The following SNW1 variants were observed in gnomAD, a reference collection of about 807,000 sequenced individuals.
The protein encoded by SNW1 is SNW domain containing 1.
A neutral mutation model predicts 75.6 loss-of-function variants in SNW1; 9 were observed. The observed-to-expected ratio is 0.12, with a 90% confidence interval of 0.07 to 0.21. The LOEUF is 0.21. Ranked by LOEUF, SNW1 falls within the 10% of genes least tolerant of loss-of-function variation. The pLI is 1.00. For missense variants in SNW1, 409 were observed against 670.9 expected, an observed-to-expected ratio of 0.61 and a Z score of 4.31; for synonymous variants, 200 against 219.1, an observed-to-expected ratio of 0.91 and a Z score of 0.77.
chr14:77,732,545 T>C lies in SNW1; in HGVS notation c.831A>G (p.Thr277=), dbSNP rs754772047. The C allele has an allele frequency of 4.3e-6, 7 of 1,613,406 alleles. No individual in the cohort carries two copies. The African/African-American group carries it at 6.7e-5, about 15-fold the overall frequency. Reference sequence around the variant, plus strand: ...TGGCGAAATTTTCATTTATGTGTACTGTCTGTAGTCCTCTTCCATCAGCAG... The same window carrying C: ...TGGCGAAATTTTCATTTATGTGTACCGTCTGTAGTCCTCTTCCATCAGCAG... ...RLAADGRGLQ[T]VHINENFAKL... is the part of the protein sequence containing the mutation. The change falls in exon 9 of 14, where the codon ACA becomes ACG. Residue 277 remains threonine, a synonymous_variant. Transcript: ENST00000261531.
chr14:77,736,145 A>C, intron 6 of SNW1, 139 bp from the exon 7 acceptor site: 2 of 566,290 alleles, frequency 3.5e-6, no homozygotes, highest in East Asian at 3.0e-5. Context: ...TACATTTACC[A>C]CTCCACTTTG....
intron 8 of SNW1, 74 bp downstream of exon 8, chr14:77,734,873 T>C (rs1595080992): frequency 1.0e-6 from 1 of 966,066 alleles, no homozygotes; most frequent in Non-Finnish European, 1.6e-6. Flanking sequence ...ACTACAGTTA[T>C]GCAGGCTGTA....
rs1269236784 is a variant in SNW1, at chr14:77,720,823, T to G, written c.1136A>C (p.Lys379Thr). The change falls in exon 12 of 14, where the codon AAA becomes ACA. Residue 379 changes from lysine (K) to threonine (T), a missense_variant. Physicochemically the swap from Lys to Thr is moderately conservative, Grantham distance 78. Transcript: ENST00000261531. ...LSRAAPDKRS[K>T]LQRNENRDIS... is the part of the protein sequence containing the mutation. ...ATCCCGATTTTCATTTCTCTGAAGTTTCGACCTATTTTGAAATACGACATC... is the reference window on the plus strand; with the variant it reads ...ATCCCGATTTTCATTTCTCTGAAGTGTCGACCTATTTTGAAATACGACATC... The G allele has an allele frequency of 6.2e-7, 1 of 1,608,870 alleles. No homozygotes were observed. Among genetic ancestry groups the G allele is most frequent in the Non-Finnish European group, 8.5e-7 (1 of 1,175,706 alleles).
intron 1 of SNW1, among the ~76,000 whole-genome samples, chr14:77,756,203 C>T (rs2080841747): frequency 6.6e-6 from 1 of 152,124 alleles, no homozygotes; most frequent in Admixed American, 6.6e-5. Flanking sequence ...TCACTGAAAC[C>T]TCTGTCGCCT....
chr14:77,748,116 C>G (rs1031801629), intron 3 of SNW1, among the ~76,000 whole-genome samples: 29 of 152,184 alleles, frequency 1.9e-4, no homozygotes, highest in Non-Finnish European at 3.8e-4. Flanking sequence ...TTACCCCTAA[C>G]CCCATGCTCT....
At chr14:77,733,328 C>A (rs2080642002) in intron 8 of SNW1, among the ~76,000 whole-genome samples, 1 of 152,120 alleles carries the variant, frequency 6.6e-6, no homozygotes, top group Admixed American at 6.6e-5. Flanking sequence ...ACAGTTGCTC[C>A]TCAAGTAAAT....
At chr14:77,757,640 ATTACCT>A (rs2080851695) in intron 1 of SNW1, among the ~76,000 whole-genome samples, 1 of 152,096 alleles carries the variant, frequency 6.6e-6, no homozygotes, top group African/African-American at 2.4e-5. Flanking sequence ...CTACTACAAC[ATTACCT>A]TACTGTATTG....
intron 3 of SNW1, among the ~76,000 whole-genome samples, chr14:77,748,359 T>C (rs1185724925): frequency 6.6e-6 from 1 of 152,030 alleles, no homozygotes; most frequent in Non-Finnish European, 1.5e-5. Flanking sequence ...TATTGTCCTA[T>C]GACCCTGCCA....
chr14:77,727,174 G>A (rs1041727673), intron 10 of SNW1, among the ~76,000 whole-genome samples: 11 of 151,914 alleles, frequency 7.2e-5, no homozygotes, highest in African/African-American at 2.4e-4. Context: ...GTGACTCAGC[G>A]TCCTGAGTAG....
chr14:77,739,806 A>T (rs1328840587), intron 3 of SNW1, among the ~76,000 whole-genome samples: 2 of 152,090 alleles, frequency 1.3e-5, no homozygotes, highest in African/African-American at 2.4e-5. Flanking sequence ...AAATATTTTC[A>T]TAACAATTTA....
chr14:77,757,862 C>T (rs11621593), intron 1 of SNW1, among the ~76,000 whole-genome samples: 20,053 of 152,196 alleles, frequency 0.13, 1,491 homozygotes, highest in Middle Eastern at 0.19. Context: ...TTTTCTTAAA[C>T]AAGCCATCTC....
intron 1 of SNW1, chr14:77,760,674 C>G (rs1169501548): frequency 1.4e-6 from 1 of 702,376 alleles, no homozygotes; most frequent in South Asian, 1.5e-5. Context: ...TCGGGACACC[C>G]AGTGGACAGC....
At chr14:77,748,101 T>C (rs2080778581) in intron 3 of SNW1, among the ~76,000 whole-genome samples, 1 of 152,238 alleles carries the variant, frequency 6.6e-6, no homozygotes, top group South Asian at 2.1e-4. Flanking sequence ...CTGTTAATCA[T>C]AACCTTACCC....
chr14:77,723,314 G>A, intron 10 of SNW1, 37 bp from the exon 11 acceptor site: 1 of 1,445,352 alleles, frequency 6.9e-7, no homozygotes, highest in Non-Finnish European at 9.7e-7. Context: ...ACTGTAATAT[G>A]TATTATATGT....
chr14:77,724,812 A>C (rs962220379), intron 10 of SNW1, among the ~76,000 whole-genome samples: 1 of 152,222 alleles, frequency 6.6e-6, no homozygotes, highest in East Asian at 1.9e-4. Flanking sequence ...TAAACATGGA[A>C]GTGCAGATAT....
chr14:77,731,653 T>C lies in SNW1; in HGVS notation c.892-524A>G, dbSNP rs190617274. Among the ~76,000 whole-genome samples the C allele has an allele frequency of 2.0e-5, 3 of 152,374 alleles. No homozygotes were observed. In the East Asian group the frequency reaches 5.8e-4, roughly 29 times the overall value. On this transcript the variant is annotated intron_variant, in intron 9 of 13. Transcript: ENST00000261531. ...ATTTTTATAAGGGTACTCACTGTGA[T>C]ACAAAAGACATTTTTTTTATGTTCC...
intron 2 of SNW1, among the ~76,000 whole-genome samples, chr14:77,754,189 C>T (rs1222526445): frequency 2.0e-5 from 3 of 151,640 alleles, no homozygotes; most frequent in African/African-American, 7.3e-5. Flanking sequence ...GGATTACAGG[C>T]ATGCGCCACC....
At position 77,742,898 on chromosome 14, in the gene SNW1, G is replaced by A. The variant is rs532585323; in HGVS notation, c.331-3837C>T. On this transcript the variant is annotated intron_variant, in intron 3 of 13. Coordinates refer to ENST00000261531, the MANE Select transcript of SNW1 (RefSeq NM_012245.3). Reference sequence around the variant, plus strand: ...GTATTTCTTACATAACTATTTCAGAGGGAAAAATACATACACCAAGCCCTT... The same window carrying A: ...GTATTTCTTACATAACTATTTCAGAAGGAAAAATACATACACCAAGCCCTT... Among the ~76,000 whole-genome samples the A allele has an allele frequency of 2.0e-5, 3 of 151,658 alleles. No individual in the cohort carries two copies. The Middle Eastern group carries it at 0.01, about 516-fold the overall frequency.
At chr14:77,740,225 T>C (rs1429536187) in intron 3 of SNW1, among the ~76,000 whole-genome samples, 5 of 151,370 alleles carry the variant, frequency 3.3e-5, no homozygotes, top group Non-Finnish European at 7.4e-5. Flanking sequence ...CAGAAATTCT[T>C]TGAGGTACAT....
Sources: gnomAD v4.1 joint callset for allele counts (sites outside exome capture counted in the v4.1 genomes callset) on GRCh38, gnomAD v4.1.1 for gene constraint, MANE v1.5 for transcripts, NCBI Gene and HGNC (gene_info 2026-07-23, HGNC 2026-07-21) for gene names.